The following NAV2 variants were observed in gnomAD, a reference collection of about 807,000 sequenced individuals.
NAV2 encodes the protein neuron navigator 2.
In NAV2, 54 loss-of-function variants were observed where a neutral mutation model predicts 223.2. That is an observed-to-expected ratio of 0.24 (90% CI 0.19 to 0.30). The LOEUF is 0.30. Among genes scored for constraint, NAV2 ranks in the 10% least tolerant of loss-of-function variants. The pLI is 1.00. For synonymous variants in NAV2, 1,279 were observed against 1,239.3 expected (o/e 1.03, Z -0.67); for missense variants, 2,806 against 3,147.5 (o/e 0.89, Z 2.60).
At chr11:19,698,771 C>A (rs1241796032) in intron 1 of NAV2, among the ~76,000 whole-genome samples, 1 of 152,192 alleles carries the variant, frequency 6.6e-6, no homozygotes, top group Admixed American at 6.5e-5. Flanking sequence ...GCCTTCCCAC[C>A]AGATGCAAGC....
intron 10 of NAV2, among the ~76,000 whole-genome samples, chr11:19,950,729 A>G (rs769318488): frequency 6.6e-6 from 1 of 152,222 alleles, no homozygotes; most frequent in Non-Finnish European, 1.5e-5. Flanking sequence ...TCACTGGAAA[A>G]TCAGCTCACA....
intron 20 of NAV2, among the ~76,000 whole-genome samples, chr11:20,066,701 C>A (rs1042581554): frequency 6.6e-6 from 1 of 152,142 alleles, no homozygotes; most frequent in African/African-American, 2.4e-5. Context: ...GTATTGTGAA[C>A]TAATGGAGAT....
chr11:19,622,641 T>G (rs1442708233), intron 1 of NAV2, among the ~76,000 whole-genome samples: 2 of 152,186 alleles, frequency 1.3e-5, no homozygotes, highest in Non-Finnish European at 2.9e-5. Context: ...ATCCCTTTAT[T>G]TTGAGCCTAT....
At chr11:19,421,283 G>T (rs1315660123) in intron 1 of NAV2, among the ~76,000 whole-genome samples, 1 of 152,152 alleles carries the variant, frequency 6.6e-6, no homozygotes, top group African/African-American at 2.4e-5. Context: ...CCATCACACA[G>T]CTGCCTCTGT....
chr11:19,364,131 C>T (rs1258496330), intron 1 of NAV2, among the ~76,000 whole-genome samples: 1 of 152,184 alleles, frequency 6.6e-6, no homozygotes, highest in Non-Finnish European at 1.5e-5. Flanking sequence ...CAGCCCCCAT[C>T]CTGAACCTTT....
intron 1 of NAV2, among the ~76,000 whole-genome samples, chr11:19,351,627 T>C (rs1238766900): frequency 6.6e-6 from 1 of 152,104 alleles, no homozygotes; most frequent in East Asian, 1.9e-4. Context: ...AGACGCGTTG[T>C]GGAGTAGCAT....
intron 22 of NAV2, 82 bp from the exon 23 acceptor site, chr11:20,077,470 T>TCCA: frequency 9.2e-7 from 1 of 1,087,322 alleles, no homozygotes; most frequent in South Asian, 1.3e-5. Flanking sequence ...ACCCACAGGA[T>TCCA]TTTCATCTTT....
At chr11:20,071,843 A>AG (rs1396939268) in intron 22 of NAV2, among the ~76,000 whole-genome samples, 2 of 152,192 alleles carry the variant, frequency 1.3e-5, no homozygotes, top group Non-Finnish European at 2.9e-5. Flanking sequence ...TCTGGATATT[A>AG]GCCCTTTGTC....
intron 10 of NAV2, among the ~76,000 whole-genome samples, chr11:19,980,644 G>A (rs1011912260): frequency 6.6e-6 from 1 of 152,198 alleles, no homozygotes; most frequent in Admixed American, 6.5e-5. Context: ...TGCTTCATCT[G>A]TAAATTATGC....
chr11:20,014,110 C>T (rs969760580), intron 11 of NAV2, among the ~76,000 whole-genome samples: 4 of 152,152 alleles, frequency 2.6e-5, no homozygotes, highest in Non-Finnish European at 2.9e-5. Context: ...TGGCTTAAGT[C>T]GCAGTCTGCC....
At chr11:19,970,597 A>G (rs1000108702) in intron 10 of NAV2, among the ~76,000 whole-genome samples, 7 of 152,214 alleles carry the variant, frequency 4.6e-5, no homozygotes, top group Non-Finnish European at 2.9e-5. Context: ...GTTCTGAAAT[A>G]ATAATAACAG....
intron 1 of NAV2, among the ~76,000 whole-genome samples, chr11:19,796,822 G>T (rs148351125): frequency 9.2e-5 from 14 of 152,162 alleles, no homozygotes; most frequent in African/African-American, 3.1e-4. Context: ...GGCCTTGCTG[G>T]TACTTGCTGC....
intron 1 of NAV2, among the ~76,000 whole-genome samples, chr11:19,766,809 G>T (rs1471174999): frequency 1.3e-5 from 2 of 152,162 alleles, no homozygotes; most frequent in African/African-American, 4.8e-5. Context: ...CTCCCACCCT[G>T]ATTTGCTATA....
chr11:19,623,343 A>G (rs1316510574), intron 1 of NAV2, among the ~76,000 whole-genome samples: 2 of 152,176 alleles, frequency 1.3e-5, no homozygotes, highest in Non-Finnish European at 2.9e-5. Context: ...TCTGCTGGAT[A>G]ATATCCTGCA....
intron 1 of NAV2, among the ~76,000 whole-genome samples, chr11:19,545,995 T>C (rs2134587337): frequency 6.6e-6 from 1 of 152,284 alleles, no homozygotes; most frequent in Non-Finnish European, 1.5e-5. Flanking sequence ...AAAGCAGAAC[T>C]GTTCCAAGTA....
chr11:19,919,917 C>A (rs185447210), intron 6 of NAV2, among the ~76,000 whole-genome samples: 1 of 152,006 alleles, frequency 6.6e-6, no homozygotes, highest in South Asian at 2.1e-4. Flanking sequence ...GAGGATTACT[C>A]GAGCCCAGGG....
intron 1 of NAV2, among the ~76,000 whole-genome samples, chr11:19,722,880 C>G (rs2050875602): frequency 6.6e-6 from 1 of 152,184 alleles, no homozygotes; most frequent in Non-Finnish European, 1.5e-5. Context: ...TCTCCAACAC[C>G]AGGTCTTAGG....
intron 1 of NAV2, among the ~76,000 whole-genome samples, chr11:19,818,716 C>T (rs192057944): frequency 6.6e-6 from 1 of 152,332 alleles, no homozygotes; most frequent in Non-Finnish European, 1.5e-5. Context: ...AGCACTTTAG[C>T]ATCCACCGTC....
intron 19 of NAV2, among the ~76,000 whole-genome samples, chr11:20,056,942 A>C (rs563924143): frequency 6.6e-6 from 1 of 152,338 alleles, no homozygotes; most frequent in Non-Finnish European, 1.5e-5. Flanking sequence ...GCCTGTAATA[A>C]CACAGCCGTA....
Sources: gnomAD v4.1 joint callset for allele counts (sites outside exome capture counted in the v4.1 genomes callset) on GRCh38, gnomAD v4.1.1 for gene constraint, MANE v1.5 for transcripts, NCBI Gene and HGNC (gene_info 2026-07-23, HGNC 2026-07-21) for gene names.